The following OLFM2 variants were observed in gnomAD, a reference collection of about 807,000 sequenced individuals.
OLFM2 encodes the protein olfactomedin 2, also known as noelin-2.
A neutral mutation model predicts 43.9 loss-of-function variants in OLFM2; 20 were observed. The ratio of observed to expected loss-of-function variants is 0.46; its 90% CI spans 0.32 to 0.66. The LOEUF is 0.66. OLFM2 is among the 30% of genes least tolerant of loss of function. The pLI is 0.04. For synonymous variants in OLFM2, 268 were observed against 278.6 expected (o/e 0.96, Z 0.38); for missense variants, 416 against 643.6 (o/e 0.65, Z 3.83).
At chr19:9,900,044 A>C (rs1482108246) in intron 1 of OLFM2, among the ~76,000 whole-genome samples, 1 of 152,174 alleles carries the variant, frequency 6.6e-6, no homozygotes, top group Non-Finnish European at 1.5e-5. Flanking sequence ...GAATTGACAA[A>C]TGAGCGAATC....
At chr19:9,902,175 C>T (rs2046746097) in intron 1 of OLFM2, among the ~76,000 whole-genome samples, 1 of 151,292 alleles carries the variant, frequency 6.6e-6, no homozygotes, top group Non-Finnish European at 1.5e-5. Flanking sequence ...ACTACAGGCA[C>T]CCGCCACCAA....
intron 1 of OLFM2, among the ~76,000 whole-genome samples, chr19:9,873,672 G>C (rs916606353): frequency 6.6e-6 from 1 of 151,860 alleles, no homozygotes; most frequent in East Asian, 1.9e-4. Context: ...CTGTCCCCCA[G>C]GCCGTGTCCC....
intron 1 of OLFM2, among the ~76,000 whole-genome samples, chr19:9,891,571 T>C (rs1225599717): frequency 6.7e-6 from 1 of 148,150 alleles, no homozygotes; most frequent in Admixed American, 6.9e-5. Flanking sequence ...TGAGCTGAGA[T>C]GGCACCACTG....
chr19:9,931,732 TAAAAAG>T (rs1297003390), intron 1 of OLFM2, among the ~76,000 whole-genome samples: 24 of 146,584 alleles, frequency 1.6e-4, no homozygotes, highest in African/African-American at 5.9e-4. Context: ...AAAAAAGAAA[TAAAAAG>T]AAAAAGTTAT....
intron 1 of OLFM2, among the ~76,000 whole-genome samples, chr19:9,879,465 C>A (rs1394036769): frequency 1.3e-5 from 2 of 152,094 alleles, no homozygotes; most frequent in Non-Finnish European, 2.9e-5. Flanking sequence ...GTAGCACCTC[C>A]CCCAGTCTCT....
At chr19:9,914,986 A>G (rs1436393656) in intron 1 of OLFM2, among the ~76,000 whole-genome samples, 3 of 151,994 alleles carry the variant, frequency 2.0e-5, no homozygotes, top group African/African-American at 7.2e-5. Flanking sequence ...GAGGGGGGCT[A>G]GGGGTCTCGA....
chr19:9,932,549 G>T (rs979494711), intron 1 of OLFM2, among the ~76,000 whole-genome samples: 1 of 152,052 alleles, frequency 6.6e-6, no homozygotes, highest in Non-Finnish European at 1.5e-5. Flanking sequence ...TCACTTAGCT[G>T]TTCAGGGTGA....
rs1251748087 is a variant in OLFM2, at chr19:9,936,278, C to A, written c.63+26G>T. 3.9e-6 allele frequency: 6 copies of A among 1,528,140 alleles called. No individual in the cohort carries two copies. The Admixed American group carries it at 7.9e-5, about 20-fold the overall frequency. 94.7% of individuals were successfully genotyped at this position (1,528,140 alleles called of 1,614,324 possible). A position where few individuals can be genotyped will look rare whatever the true frequency, so the allele number is the denominator to read the frequency against. Reference sequence around the variant, plus strand: ...CCCTCCTCTCCCGGAGCCACCCGCGCCCGCACCTGCCCGCCGGGCCCCTAC... The same window carrying A: ...CCCTCCTCTCCCGGAGCCACCCGCGACCGCACCTGCCCGCCGGGCCCCTAC... On this transcript the variant is annotated intron_variant, in intron 1 of 5. Transcript: ENST00000264833.
intron 1 of OLFM2, among the ~76,000 whole-genome samples, chr19:9,869,246 T>G (rs935741630): frequency 6.6e-6 from 1 of 152,156 alleles, no homozygotes; most frequent in Non-Finnish European, 1.5e-5. Flanking sequence ...CCCACAGTCC[T>G]CCCAAAAAGG....
intron 1 of OLFM2, among the ~76,000 whole-genome samples, chr19:9,920,013 C>T (rs968138731): frequency 1.4e-5 from 2 of 143,870 alleles, no homozygotes; most frequent in African/African-American, 5.2e-5. Context: ...CCATGTTGGC[C>T]GGCTGGTCTC....
At chr19:9,932,874 T>C (rs1363230623) in intron 1 of OLFM2, among the ~76,000 whole-genome samples, 1 of 152,156 alleles carries the variant, frequency 6.6e-6, no homozygotes, top group African/African-American at 2.4e-5. Context: ...CCAGAACATC[T>C]TGGATAGATC....
intron 1 of OLFM2, among the ~76,000 whole-genome samples, chr19:9,915,797 C>A (rs1002048731): frequency 2.6e-5 from 4 of 152,060 alleles, no homozygotes; most frequent in African/African-American, 9.7e-5. Context: ...GAATTAGAGG[C>A]GTGAACCACC....
At position 9,860,713 on chromosome 19, in the gene OLFM2, C is replaced by T. The variant is rs1247027443; in HGVS notation, c.145G>A (p.Val49Met). The T allele has an allele frequency of 1.2e-6, 2 of 1,606,724 alleles. No individual in the cohort carries two copies. Among genetic ancestry groups the T allele is most frequent in the Non-Finnish European group, 1.7e-6 (2 of 1,176,700 alleles). ...APDGKCICTAVIPAQSTCSRD... is the reference protein window; with the variant it reads ...APDGKCICTAMIPAQSTCSRD... ...GAGCAGGTACTCTGCGCTGGGATCA[C>T]GGCCGTGCAGATGCATTTCCCGTCA... The change falls in exon 2 of 6, where the codon GTG becomes ATG. Residue 49 changes from valine (V) to methionine (M), a missense_variant. Transcript: ENST00000264833.
intron 1 of OLFM2, among the ~76,000 whole-genome samples, chr19:9,903,050 C>T (rs2046754443): frequency 6.6e-6 from 1 of 151,938 alleles, no homozygotes; most frequent in Admixed American, 6.6e-5. Context: ...ACCACCATGC[C>T]TGGCTGATTT....
At chr19:9,867,889 C>CA (rs1353142463) in intron 1 of OLFM2, among the ~76,000 whole-genome samples, 2 of 150,678 alleles carry the variant, frequency 1.3e-5, no homozygotes, top group African/African-American at 4.9e-5. Context: ...AAAGCTATTA[C>CA]ACATGCTAGA....
chr19:9,877,605 G>C (rs953555892), intron 1 of OLFM2, among the ~76,000 whole-genome samples: 3 of 151,986 alleles, frequency 2.0e-5, no homozygotes, highest in Admixed American at 2.0e-4. Context: ...AAAAGTAACA[G>C]TGTTGAGAGG....
intron 1 of OLFM2, among the ~76,000 whole-genome samples, chr19:9,907,558 G>A (rs1366835479): frequency 6.6e-6 from 1 of 152,190 alleles, no homozygotes; most frequent in Non-Finnish European, 1.5e-5. Flanking sequence ...ATCCAACACA[G>A]GTCCTGGCCC....
intron 1 of OLFM2, among the ~76,000 whole-genome samples, chr19:9,929,397 A>G (rs1486763478): frequency 6.6e-6 from 1 of 151,708 alleles, no homozygotes; most frequent in African/African-American, 2.4e-5. Flanking sequence ...GTTTGAGACC[A>G]GCCTGAACAA....
At chr19:9,913,605 G>C in intron 1 of OLFM2, 1 of 1,306,760 alleles carries the variant, frequency 7.7e-7, no homozygotes, top group Non-Finnish European at 9.8e-7. Context: ...ATCTTGAGCA[G>C]CGGCACCGAC....
Sources: gnomAD v4.1 joint callset for allele counts (sites outside exome capture counted in the v4.1 genomes callset) on GRCh38, gnomAD v4.1.1 for gene constraint, MANE v1.5 for transcripts, NCBI Gene and HGNC (gene_info 2026-07-23, HGNC 2026-07-21) for gene names.